The following FHIT variants were observed in gnomAD, a reference collection of about 807,000 sequenced individuals.
FHIT encodes fragile histidine triad diadenosine triphosphatase, also known as bis(5'-adenosyl)-triphosphatase.
Under a neutral mutation model 17.9 loss-of-function variants are expected in FHIT, and 19 were observed. The ratio of observed to expected loss-of-function variants is 1.06; its 90% confidence interval spans 0.74 to 1.56. The LOEUF (loss-of-function observed/expected upper bound fraction) is 1.56, where lower values mean the gene tolerates loss of function less well. Among genes scored for constraint, FHIT ranks in the 40% most tolerant of loss-of-function variants. FHIT has a pLI of 0.00. For missense variants in FHIT, 248 were observed against 189.2 expected (o/e 1.31, Z -1.82); for synonymous variants, 81 against 69.7 (o/e 1.16, Z -0.81).
intron 5 of FHIT, among the ~76,000 whole-genome samples, chr3:60,381,765 A>G (rs1462718462): frequency 1.3e-5 from 2 of 151,448 alleles, no homozygotes; most frequent in Admixed American, 6.6e-5. Flanking sequence ...TTTTTCTCCT[A>G]TCCTCTACAT....
chr3:59,950,722 T>C (rs1444485827), intron 7 of FHIT, among the ~76,000 whole-genome samples: 1 of 152,206 alleles, frequency 6.6e-6, no homozygotes, highest in Non-Finnish European at 1.5e-5. Flanking sequence ...ATGTACATTA[T>C]GTTCTCTGGG....
chr3:59,980,645 C>T (rs180776843), intron 7 of FHIT, among the ~76,000 whole-genome samples: 1 of 152,152 alleles, frequency 6.6e-6, no homozygotes, highest in African/African-American at 2.4e-5. Context: ...CCAAGGATAG[C>T]TTGTCCCACA....
intron 5 of FHIT, among the ~76,000 whole-genome samples, chr3:60,390,264 T>C (rs2107148665): frequency 6.6e-6 from 1 of 152,120 alleles, no homozygotes; most frequent in Non-Finnish European, 1.5e-5. Context: ...TTTGGATTTT[T>C]AATATTAAAA....
chr3:60,929,562 C>T (rs1322606946), intron 3 of FHIT, among the ~76,000 whole-genome samples: 3 of 150,850 alleles, frequency 2.0e-5, no homozygotes, highest in Non-Finnish European at 4.4e-5. Context: ...TTCTTATATA[C>T]CAATAAAAGA....
intron 3 of FHIT, among the ~76,000 whole-genome samples, chr3:60,855,325 C>T (rs1703336170): frequency 6.6e-6 from 1 of 152,106 alleles, no homozygotes; most frequent in Non-Finnish European, 1.5e-5. Flanking sequence ...TGGGGGGACT[C>T]ATGAAAGATT....
chr3:61,047,321 TTCCTA>T (rs1180913962), intron 2 of FHIT, among the ~76,000 whole-genome samples: 1 of 152,140 alleles, frequency 6.6e-6, no homozygotes, highest in African/African-American at 2.4e-5. Flanking sequence ...ATCACAAGCA[TTCCTA>T]TACAGCAATA....
At chr3:60,332,967 A>C (rs1710059043) in intron 5 of FHIT, among the ~76,000 whole-genome samples, 1 of 152,220 alleles carries the variant, frequency 6.6e-6, no homozygotes. Flanking sequence ...AATTTATTTA[A>C]AGAAAACTCC....
chr3:60,621,755 T>C (rs1297064010), intron 4 of FHIT, among the ~76,000 whole-genome samples: 2 of 151,902 alleles, frequency 1.3e-5, no homozygotes, highest in African/African-American at 2.4e-5. Context: ...CATTAAAATA[T>C]AGCTACAACT....
rs576749600 is a variant in FHIT, at chr3:60,740,423, T to G, written c.-18+81496A>C. 2.6e-5 allele frequency among the ~76,000 whole-genome samples: 4 copies of G among 152,346 alleles called. No individual in the cohort carries two copies. In the East Asian group the frequency reaches 7.7e-4, roughly 29 times the overall value. ...TTTGTTAAAAGGGTTAAATAACTTA[T>G]GTAAAGTGCTGAACACAATGCCTCC... is the stretch of plus-strand genomic sequence containing the variant. On this transcript the variant is annotated intron_variant, in intron 4 of 9. Transcript: ENST00000492590.
intron 2 of FHIT, among the ~76,000 whole-genome samples, chr3:61,170,940 G>C (rs928198544): frequency 6.6e-6 from 1 of 151,962 alleles, no homozygotes; most frequent in African/African-American, 2.4e-5. Context: ...AATCCCATTG[G>C]TATTATATAC....
intron 4 of FHIT, among the ~76,000 whole-genome samples, chr3:60,784,638 C>T (rs1553726389): frequency 2.0e-5 from 3 of 152,166 alleles, no homozygotes; most frequent in Non-Finnish European, 4.4e-5. Context: ...ACTTGGCCTC[C>T]TTCCAGGCTC....
chr3:61,210,600 C>A (rs779388305), intron 1 of FHIT, among the ~76,000 whole-genome samples: 1 of 152,182 alleles, frequency 6.6e-6, no homozygotes, highest in South Asian at 2.1e-4. Flanking sequence ...TAGGGCCCTC[C>A]GAGCCATGTG....
intron 5 of FHIT, among the ~76,000 whole-genome samples, chr3:60,081,392 GC>G (rs1189758082): frequency 6.6e-6 from 1 of 152,036 alleles, no homozygotes; most frequent in Non-Finnish European, 1.5e-5. Context: ...ACAACCCCAT[GC>G]AGCCTGATCC....
chr3:60,627,125 G>T (rs1027870090), intron 4 of FHIT, among the ~76,000 whole-genome samples: 1 of 152,062 alleles, frequency 6.6e-6, no homozygotes, highest in African/African-American at 2.4e-5. Context: ...GTATTGATAA[G>T]ATATTGGTCT....
chr3:60,423,659 G>A (rs1702557472), intron 5 of FHIT, among the ~76,000 whole-genome samples: 2 of 152,022 alleles, frequency 1.3e-5, no homozygotes, highest in South Asian at 4.1e-4. Context: ...AGGCATTTAA[G>A]GCAATGGCGC....
chr3:59,837,077 G>C (rs921710424), intron 8 of FHIT, among the ~76,000 whole-genome samples: 6 of 152,072 alleles, frequency 3.9e-5, no homozygotes, highest in Admixed American at 6.6e-5. Context: ...TTTTGGATTT[G>C]CTTAGGAGAC....
At chr3:60,219,458 T>C (rs1703858141) in intron 5 of FHIT, among the ~76,000 whole-genome samples, 1 of 152,178 alleles carries the variant, frequency 6.6e-6, no homozygotes, top group African/African-American at 2.4e-5. Context: ...GTAGTTTGTA[T>C]TCTCAAAATG....
chr3:59,885,175 C>T (rs990713050), intron 8 of FHIT, among the ~76,000 whole-genome samples: 2 of 152,194 alleles, frequency 1.3e-5, no homozygotes, highest in Non-Finnish European at 2.9e-5. Context: ...TTTGGTAGCA[C>T]ACAAAGTCCA....
intron 5 of FHIT, among the ~76,000 whole-genome samples, chr3:60,189,518 T>C (rs1200836688): frequency 1.3e-5 from 2 of 152,208 alleles, no homozygotes; most frequent in Non-Finnish European, 2.9e-5. Context: ...CATTCTTCCT[T>C]CCTTCTTATA....
Sources: gnomAD v4.1 joint callset for allele counts (sites outside exome capture counted in the v4.1 genomes callset) on GRCh38, gnomAD v4.1.1 for gene constraint, MANE v1.5 for transcripts, NCBI Gene and HGNC (gene_info 2026-07-23, HGNC 2026-07-21) for gene names.